The following GRM7 variants were observed in gnomAD, a reference collection of about 807,000 sequenced individuals.
GRM7 encodes glutamate metabotropic receptor 7.
Under a neutral mutation model 84.5 loss-of-function variants are expected in GRM7, and 35 were observed. The ratio of observed to expected loss-of-function variants is 0.41; its 90% CI spans 0.32 to 0.55. The LOEUF (loss-of-function observed/expected upper bound fraction) is 0.55, where lower values mean the gene tolerates loss of function less well. GRM7 is among the 20% of genes least tolerant of loss of function. GRM7 has a pLI of 0.19. For missense variants in GRM7, 1,003 were observed against 1,194.6 expected (o/e 0.84, Z 2.36); for synonymous variants, 487 against 455.1 (o/e 1.07, Z -0.89).
intron 1 of GRM7, among the ~76,000 whole-genome samples, chr3:6,968,073 A>G (rs1038054005): frequency 1.1e-4 from 17 of 152,258 alleles, no homozygotes; most frequent in Non-Finnish European, 2.9e-5. Flanking sequence ...GGCTTGAACA[A>G]AAACAAATGT....
chr3:7,222,001 G>T (rs567940716), intron 2 of GRM7, among the ~76,000 whole-genome samples: 3 of 151,484 alleles, frequency 2.0e-5, no homozygotes, highest in East Asian at 3.9e-4. Context: ...TAGAGACGGG[G>T]TTTCACCATG....
At chr3:7,414,897 T>C in intron 4 of GRM7, 126 bp from the exon 5 acceptor site, 1 of 640,736 alleles carries the variant, frequency 1.6e-6, no homozygotes, top group Non-Finnish European at 2.5e-6. Flanking sequence ...TTTTTTTTTT[T>C]TTCGGTCGAC....
chr3:7,740,720 C>T lies in GRM7; in HGVS notation c.*314C>T, dbSNP rs1159816783. ...AATGGACCACTGAGAGCCACAGGAC[C>T]GTTTTGGGGCTGACCTGTCTTATTA... On this transcript the variant is annotated 3_prime_UTR_variant, in exon 10 of 10. Transcript: ENST00000357716. The T allele has an allele frequency of 1.6e-5, 4 of 253,484 alleles. No homozygotes were observed. The highest frequency in any genetic ancestry group is 5.5e-5 in the Admixed American group (1 of 18,218). 15.7% of individuals were successfully genotyped at this position (253,484 alleles called of 1,614,324 possible). A position where few individuals can be genotyped will look rare whatever the true frequency, so the allele number is the denominator to read the frequency against.
At chr3:7,336,306 C>T (rs1486787184) in intron 4 of GRM7, among the ~76,000 whole-genome samples, 1 of 151,620 alleles carries the variant, frequency 6.6e-6, no homozygotes, top group Non-Finnish European at 1.5e-5. Flanking sequence ...ATGGTCATCT[C>T]AATTGCAAAA....
intron 2 of GRM7, among the ~76,000 whole-genome samples, chr3:7,173,147 C>T (rs973951906): frequency 3.9e-5 from 6 of 152,170 alleles, no homozygotes; most frequent in Non-Finnish European, 8.8e-5. Flanking sequence ...TAAACACTGG[C>T]AGGTAAGTTG....
intron 2 of GRM7, among the ~76,000 whole-genome samples, chr3:7,290,329 CT>C (rs1699579066): frequency 6.6e-6 from 1 of 152,136 alleles, no homozygotes; most frequent in Admixed American, 6.6e-5. Flanking sequence ...TCTAAGTATT[CT>C]TTTAGTTCCT....
chr3:7,293,034 C>CAAAAAAAAAAAA lies in GRM7; in HGVS notation c.737-5644_737-5633dup, dbSNP rs142561309. On this transcript the variant is annotated intron_variant, in intron 2 of 9. Coordinates refer to ENST00000357716, the MANE Select transcript of GRM7 (RefSeq NM_000844.4). ...GGGGGACAAGAGCGAGACTTGGTCT[C>CAAAAAAAAAAAA]AAAAAAAAAAAAAAAAATTGAGCTT... 1.7e-4 allele frequency among the ~76,000 whole-genome samples: 21 copies of CAAAAAAAAAAAA among 120,590 alleles called. 1 individual carries two copies. The highest frequency in any genetic ancestry group is 6.5e-4 in the African/African-American group (21 of 32,378). The allele number at this position is 120,590 out of a possible 152,430, so 79.1% of individuals were successfully genotyped here.
intron 1 of GRM7, among the ~76,000 whole-genome samples, chr3:6,926,426 T>C (rs1697300151): frequency 2.0e-5 from 3 of 152,368 alleles, no homozygotes; most frequent in African/African-American, 4.8e-5. Context: ...CTGACAATAA[T>C]TTTAGTTCCA....
At chr3:6,898,506 A>G (rs930415666) in intron 1 of GRM7, among the ~76,000 whole-genome samples, 1 of 152,090 alleles carries the variant, frequency 6.6e-6, no homozygotes, top group Non-Finnish European at 1.5e-5. Context: ...AAGTTAAGAT[A>G]AAGTCAATAT....
At chr3:7,076,139 C>T (rs890249225) in intron 1 of GRM7, among the ~76,000 whole-genome samples, 5 of 151,996 alleles carry the variant, frequency 3.3e-5, no homozygotes, top group African/African-American at 4.8e-5. Context: ...TTTCCTCATT[C>T]GATATTTACT....
intron 7 of GRM7, among the ~76,000 whole-genome samples, chr3:7,531,002 T>C (rs1322214898): frequency 1.3e-5 from 2 of 152,238 alleles, no homozygotes; most frequent in Non-Finnish European, 2.9e-5. Flanking sequence ...TTTGGTGTTT[T>C]AGTCATGAAG....
intron 1 of GRM7, among the ~76,000 whole-genome samples, chr3:6,909,927 A>C (rs962629022): frequency 3.3e-5 from 5 of 152,076 alleles, no homozygotes; most frequent in Admixed American, 3.3e-4. Context: ...TTAGGGGGCA[A>C]ATTTATGTCT....
At chr3:7,128,447 T>C (rs1423233206) in intron 1 of GRM7, among the ~76,000 whole-genome samples, 1 of 151,120 alleles carries the variant, frequency 6.6e-6, no homozygotes, top group Non-Finnish European at 1.5e-5. Flanking sequence ...GATTATGTTT[T>C]ACAGCTCTAG....
chr3:7,480,311 AG>A (rs1415411001), intron 7 of GRM7, among the ~76,000 whole-genome samples: 2 of 152,212 alleles, frequency 1.3e-5, no homozygotes, highest in Non-Finnish European at 1.5e-5. Flanking sequence ...GCAGATTTAG[AG>A]CAATGTCTTA....
chr3:7,460,099 T>TAAAAAAAAA (rs71066013), intron 6 of GRM7, among the ~76,000 whole-genome samples: 90 of 49,532 alleles, frequency 1.8e-3, no homozygotes, highest in East Asian at 5.6e-3. Context: ...CTTAAAATAG[T>TAAAAAAAAA]AAAAAAAAAA....
chr3:7,425,416 A>G (rs989088854), intron 5 of GRM7, among the ~76,000 whole-genome samples: 2 of 152,202 alleles, frequency 1.3e-5, no homozygotes, highest in African/African-American at 2.4e-5. Context: ...TGTAGCCCTG[A>G]CTATAAAATT....
intron 2 of GRM7, among the ~76,000 whole-genome samples, chr3:7,266,859 A>G (rs1157410999): frequency 5.9e-5 from 9 of 152,174 alleles, no homozygotes; most frequent in South Asian, 2.1e-4. Context: ...AGTATTCTCA[A>G]ATAAGTTTTA....
intron 4 of GRM7, among the ~76,000 whole-genome samples, chr3:7,364,457 T>C (rs915815843): frequency 2.4e-4 from 36 of 151,828 alleles, no homozygotes; most frequent in Admixed American, 1.4e-3. Context: ...TAGTGGTGAG[T>C]TTTATTATGT....
intron 8 of GRM7, among the ~76,000 whole-genome samples, chr3:7,668,760 A>G (rs1334312326): frequency 6.6e-6 from 1 of 152,248 alleles, no homozygotes; most frequent in African/African-American, 2.4e-5. Context: ...ACTGAGAGAT[A>G]GAAGTTGAGT....
Sources: allele counts gnomAD v4.1 joint callset (sites outside exome capture counted in the v4.1 genomes callset), GRCh38; gene constraint gnomAD v4.1.1; transcripts MANE v1.5; gene names NCBI Gene and HGNC (gene_info 2026-07-23, HGNC 2026-07-21).